Variants in MYO16 observed in about 807,000 individuals in gnomAD.
The protein encoded by MYO16 is unconventional myosin-XVI.
A neutral mutation model predicts 205.3 loss-of-function variants in MYO16; 94 were observed. The observed-to-expected ratio is 0.46, with a 90% CI of 0.39 to 0.54. The LOEUF (loss-of-function observed/expected upper bound fraction) is 0.54, where lower values mean the gene tolerates loss of function less well. MYO16 is among the 20% of genes least tolerant of loss of function. MYO16 has a pLI of 0.00. For synonymous variants in MYO16, 988 were observed against 954.0 expected, an observed-to-expected ratio of 1.04 and a Z score of -0.66; for missense variants, 2,315 against 2,387.5, an observed-to-expected ratio of 0.97 and a Z score of 0.63.
chr13:108,554,319 G>C, the MYO16 span, among the ~76,000 whole-genome samples: 2 of 151,954 alleles, frequency 1.3e-5, no homozygotes, highest in East Asian at 3.9e-4. Context: ...AGAAATCCAA[G>C]GTCAGCACTG....
At chr13:108,687,614 T>C (rs1882728904) in intron 2 of MYO16, among the ~76,000 whole-genome samples, 1 of 152,306 alleles carries the variant, frequency 6.6e-6, no homozygotes, top group African/African-American at 2.4e-5. Context: ...ACATTGAATG[T>C]AGAAGGAGAA....
chr13:108,919,892 A>T (rs1179865255), intron 16 of MYO16, among the ~76,000 whole-genome samples: 1 of 152,252 alleles, frequency 6.6e-6, no homozygotes, highest in Non-Finnish European at 1.5e-5. Flanking sequence ...AACTTGATTG[A>T]TGTAAGTGTA....
At chr13:108,792,512 C>CTTTT (rs35311611) in intron 5 of MYO16, among the ~76,000 whole-genome samples, 7 of 129,322 alleles carry the variant, frequency 5.4e-5, no homozygotes, top group South Asian at 4.9e-4. Flanking sequence ...ATACTAATGT[C>CTTTT]TTTTTTTTTT....
intron 1 of MYO16, among the ~76,000 whole-genome samples, chr13:108,655,561 C>T (rs764314977): frequency 7.2e-5 from 11 of 152,130 alleles, no homozygotes; most frequent in Non-Finnish European, 1.3e-4. Flanking sequence ...CCTAGTGGAG[C>T]TTTGGGAAGA....
the MYO16 span, among the ~76,000 whole-genome samples, chr13:108,502,498 A>G: frequency 6.6e-6 from 1 of 152,194 alleles, no homozygotes; most frequent in African/African-American, 2.4e-5. Flanking sequence ...GCTGAATTGA[A>G]TTATACATAA....
intron 4 of MYO16, among the ~76,000 whole-genome samples, chr13:108,735,945 T>A (rs1224618814): frequency 1.3e-5 from 2 of 152,228 alleles, no homozygotes; most frequent in Admixed American, 6.5e-5. Context: ...TGTCTTCTTT[T>A]GAGAAGTGTC....
At chr13:108,678,897 G>C (rs556893258) in intron 2 of MYO16, among the ~76,000 whole-genome samples, 1 of 152,236 alleles carries the variant, frequency 6.6e-6, no homozygotes, top group Non-Finnish European at 1.5e-5. Context: ...CCAAGGTCGG[G>C]GGTCTGGCAA....
chr13:108,592,786 C>T (rs1030339535), upstream of MYO16, among the ~76,000 whole-genome samples: 1 of 150,774 alleles, frequency 6.6e-6, no homozygotes, highest in Non-Finnish European at 1.5e-5. Context: ...TTCATTCTCT[C>T]TTAGAAGCTT....
chr13:108,762,652 T>A (rs1885647911), intron 4 of MYO16, among the ~76,000 whole-genome samples: 1 of 152,190 alleles, frequency 6.6e-6, no homozygotes, highest in Non-Finnish European at 1.5e-5. Flanking sequence ...TTATACCACA[T>A]TTGCATTCTC....
chr13:108,564,395 T>C, the MYO16 span, among the ~76,000 whole-genome samples: 1 of 152,152 alleles, frequency 6.6e-6, no homozygotes, highest in African/African-American at 2.4e-5. Context: ...GGTTTCCAAC[T>C]CCTGACCTCA....
chr13:108,762,273 T>C (rs529585263), intron 4 of MYO16, among the ~76,000 whole-genome samples: 7 of 109,318 alleles, frequency 6.4e-5, no homozygotes, highest in South Asian at 2.8e-4. Flanking sequence ...ATTCCATGTC[T>C]TTGCTATTGT....
intron 16 of MYO16, among the ~76,000 whole-genome samples, chr13:108,926,109 G>C (rs75369807): frequency 0.014 from 2,061 of 152,282 alleles, 41 homozygotes; most frequent in African/African-American, 0.046. Context: ...TTAATTTTCA[G>C]ATCTCTACTC....
At chr13:108,901,322 C>T (rs561302816) in intron 15 of MYO16, among the ~76,000 whole-genome samples, 55 of 152,268 alleles carry the variant, frequency 3.6e-4, no homozygotes, top group Middle Eastern at 3.4e-3. Flanking sequence ...GCTGGTTTTA[C>T]GGCTCAGGGG....
intron 9 of MYO16, among the ~76,000 whole-genome samples, chr13:108,839,280 G>A (rs185103417): frequency 1.8e-4 from 28 of 152,054 alleles, no homozygotes; most frequent in Admixed American, 1.6e-3. Flanking sequence ...GGGGGCAAAG[G>A]CCTCATTACC....
intron 32 of MYO16, among the ~76,000 whole-genome samples, chr13:109,156,866 C>T (rs1033311102): frequency 1.3e-5 from 2 of 152,218 alleles, no homozygotes; most frequent in African/African-American, 4.8e-5. Flanking sequence ...GAGAGTGTCT[C>T]TTCCTTGAAA....
rs78519763 is a variant in MYO16, at chr13:108,696,243, A to T, written c.293-16418A>T. 5.2e-3 allele frequency among the ~76,000 whole-genome samples: 786 copies of T among 152,328 alleles called. 10 individuals are homozygous for T. The highest frequency in any genetic ancestry group is 0.018 in the African/African-American group (752 of 41,580). ...CAATTCCACCTCTAAGAATGTGTCT[A>T]TACAAATGATTGCATGATTTTACAA... On this transcript the variant is annotated intron_variant, in intron 2 of 34. Transcript: ENST00000457511.
At chr13:108,997,369 A>AAAG (rs1885056047) in intron 21 of MYO16, among the ~76,000 whole-genome samples, 1 of 14,186 alleles carries the variant, frequency 7.0e-5, no homozygotes. Flanking sequence ...AGAGAGAGAG[A>AAAG]GAGAGAGAGA....
At chr13:108,548,940 G>C in the MYO16 span, among the ~76,000 whole-genome samples, 1 of 152,072 alleles carries the variant, frequency 6.6e-6, no homozygotes, top group Non-Finnish European at 1.5e-5. Flanking sequence ...AGGATGGATA[G>C]ATATATCTAT....
intron 12 of MYO16, among the ~76,000 whole-genome samples, chr13:108,871,433 C>T (rs543665520): frequency 5.4e-4 from 82 of 151,298 alleles, no homozygotes; most frequent in African/African-American, 1.8e-3. Context: ...GAGTATTGAA[C>T]TTTCCATATA....
Sources: allele counts gnomAD v4.1 joint callset (sites outside exome capture counted in the v4.1 genomes callset), GRCh38; gene constraint gnomAD v4.1.1; transcripts MANE v1.5; gene names NCBI Gene and HGNC (gene_info 2026-07-23, HGNC 2026-07-21).